The following GFPT1 variants were observed in gnomAD, a reference collection of about 807,000 sequenced individuals.
The protein encoded by GFPT1 is glutamine--fructose-6-phosphate transaminase 1.
In GFPT1, 40 loss-of-function variants were observed where a neutral mutation model predicts 92.0. The observed-to-expected ratio is 0.43, with a 90% CI of 0.34 to 0.57. GFPT1 has a LOEUF of 0.57. Among genes scored for constraint, GFPT1 ranks in the 20% least tolerant of loss-of-function variants. The pLI is 0.02. For missense variants in GFPT1, 448 were observed against 869.1 expected, an observed-to-expected ratio of 0.52 and a Z score of 6.09; for synonymous variants, 269 against 280.6, an observed-to-expected ratio of 0.96 and a Z score of 0.41.
Position 69,324,901 on chromosome 2 carries a change from C to T in GFPT1, c.*1288G>A, listed in dbSNP as rs1330010977. 1 of 152,124 alleles carries T rather than the reference C, an allele frequency of 6.6e-6. No individual in the cohort carries two copies. Among genetic ancestry groups the T allele is most frequent in the East Asian group, 1.9e-4 (1 of 5,198 alleles). 9.4% of individuals were successfully genotyped at this position (152,124 alleles called of 1,614,324 possible). A position where few individuals can be genotyped will look rare whatever the true frequency, so the allele number is the denominator to read the frequency against. Reference sequence around the variant, plus strand: ...AACATTCTACTTTAAATATTTTAATCCAAATTGTCAACTTCCATTTCTGAC... The same window carrying T: ...AACATTCTACTTTAAATATTTTAATTCAAATTGTCAACTTCCATTTCTGAC... On this transcript the variant is annotated 3_prime_UTR_variant, in exon 20 of 20. Transcript: ENST00000357308.
intron 18 of GFPT1, 87 bp downstream of exon 18, chr2:69,328,184 T>C (rs1670577234): frequency 1.0e-6 from 1 of 988,866 alleles, no homozygotes; most frequent in Admixed American, 1.7e-5. Flanking sequence ...AGTTAACACG[T>C]GTAAACATGT....
intron 13 of GFPT1, among the ~76,000 whole-genome samples, chr2:69,339,752 T>C (rs1018168133): frequency 1.1e-4 from 17 of 152,198 alleles, no homozygotes; most frequent in African/African-American, 4.1e-4. Flanking sequence ...CAGAATCGTT[T>C]TACTTGGTTC....
chr2:69,344,639 T>C (rs965824633), intron 12 of GFPT1, among the ~76,000 whole-genome samples: 25 of 151,758 alleles, frequency 1.6e-4, no homozygotes, highest in Admixed American at 4.6e-4. Context: ...ATAATACAGA[T>C]ATAAGTACTC....
intron 12 of GFPT1, among the ~76,000 whole-genome samples, chr2:69,345,197 G>A (rs1032134229): frequency 3.9e-5 from 6 of 151,950 alleles, no homozygotes; most frequent in South Asian, 2.1e-4. Context: ...CAGCAGTTGC[G>A]GTGAGCCGAG....
At chr2:69,341,330 G>A (rs543375595) in intron 13 of GFPT1, among the ~76,000 whole-genome samples, 1 of 152,218 alleles carries the variant, frequency 6.6e-6, no homozygotes, top group African/African-American at 2.4e-5. Flanking sequence ...TTTTGGGGGA[G>A]GAGGGGAGGA....
chr2:69,384,713 GAAAA>G (rs1319152740), intron 1 of GFPT1, among the ~76,000 whole-genome samples: 1 of 69,468 alleles, frequency 1.4e-5, no homozygotes, highest in Non-Finnish European at 3.1e-5. Context: ...AAAAAAAAAA[GAAAA>G]AAGAAAGAAA....
At chr2:69,363,157 C>T (rs943841532) in intron 4 of GFPT1, among the ~76,000 whole-genome samples, 1 of 152,136 alleles carries the variant, frequency 6.6e-6, no homozygotes, top group Non-Finnish European at 1.5e-5. Context: ...AGGGCAATGG[C>T]ATGAGGTGTG....
chr2:69,364,562 T>G (rs567291879), intron 3 of GFPT1, among the ~76,000 whole-genome samples: 10 of 152,392 alleles, frequency 6.6e-5, no homozygotes, highest in Middle Eastern at 3.4e-3. Flanking sequence ...TGGTCTCTGG[T>G]GAGTGTACAC....
chr2:69,375,851 A>T (rs1434561747), intron 1 of GFPT1, among the ~76,000 whole-genome samples: 1 of 152,356 alleles, frequency 6.6e-6, no homozygotes, highest in African/African-American at 2.4e-5. Flanking sequence ...GATAAACAAC[A>T]TGCTGCTTAA....
chr2:69,349,185 T>C (rs1055169489), intron 10 of GFPT1, among the ~76,000 whole-genome samples: 4 of 152,228 alleles, frequency 2.6e-5, no homozygotes, highest in Non-Finnish European at 4.4e-5. Context: ...CTCCTCACTA[T>C]GGAAGAGCTC....
At chr2:69,370,826 G>C (rs139364528) in intron 2 of GFPT1, among the ~76,000 whole-genome samples, 12 of 152,054 alleles carry the variant, frequency 7.9e-5, no homozygotes, top group Non-Finnish European at 1.6e-4. Context: ...TGAAGGACTT[G>C]TTGAATGATT....
intron 13 of GFPT1, among the ~76,000 whole-genome samples, 198 bp downstream of exon 13, chr2:69,341,954 C>A (rs1670963805): frequency 6.6e-6 from 1 of 152,146 alleles, no homozygotes. Flanking sequence ...TATCTAGGGA[C>A]CTTTTCTACA....
rs1029337600 is a variant in GFPT1, at chr2:69,327,187, A to G, written c.1894-112T>C. The G allele has an allele frequency of 1.6e-5, 14 of 858,858 alleles. No individual in the cohort carries two copies. In the African/African-American group the frequency reaches 2.3e-4, roughly 14 times the overall value. The allele number at this position is 858,858 out of a possible 1,614,324, so 53.2% of individuals were successfully genotyped here. A position where few individuals can be genotyped will look rare whatever the true frequency, so the allele number is the denominator to read the frequency against. On this transcript the variant is annotated intron_variant, in intron 18 of 19. Coordinates refer to ENST00000357308, the MANE Select transcript of GFPT1 (RefSeq NM_001244710.2). ...ATAATCCATATGAAGCCTCACGGAC[A>G]GACTTCTTTAAATTCCTGTGTAGTA...
chr2:69,385,541 TTTA>T (rs1261528950), intron 1 of GFPT1, among the ~76,000 whole-genome samples: 7 of 67,398 alleles, frequency 1.0e-4, no homozygotes, highest in Non-Finnish European at 1.4e-4. Flanking sequence ...TATTTATTTA[TTTA>T]TTTTTTTTTC....
intron 1 of GFPT1, among the ~76,000 whole-genome samples, chr2:69,381,973 C>T (rs1337586135): frequency 6.6e-6 from 1 of 151,798 alleles, no homozygotes; most frequent in Non-Finnish European, 1.5e-5. Flanking sequence ...AAGCACTTCT[C>T]CTCCCTTAGC....
chr2:69,328,094 C>CAA (rs1175703265), intron 18 of GFPT1, among the ~76,000 whole-genome samples, 177 bp downstream of exon 18: 27 of 82,712 alleles, frequency 3.3e-4, no homozygotes, highest in Admixed American at 5.2e-4. Context: ...GACTCCATCT[C>CAA]AAAAAAAAAA....
intron 13 of GFPT1, among the ~76,000 whole-genome samples, 199 bp from the exon 14 acceptor site, chr2:69,338,764 C>G (rs1670863874): frequency 6.7e-6 from 1 of 150,192 alleles, no homozygotes; most frequent in South Asian, 2.1e-4. Context: ...TAACATTTTA[C>G]TATCAGTCTC....
intron 13 of GFPT1, among the ~76,000 whole-genome samples, chr2:69,340,587 C>G (rs1670925329): frequency 6.6e-6 from 1 of 151,936 alleles, no homozygotes. Flanking sequence ...TTTGCAACCT[C>G]TGGCATAAAT....
At chr2:69,356,667 T>C in intron 6 of GFPT1, 110 bp from the exon 7 acceptor site, 1 of 782,696 alleles carries the variant, frequency 1.3e-6, no homozygotes, top group African/African-American at 1.7e-5. Context: ...AAATGCTCTT[T>C]TGTACCAGTT....
Sources: gnomAD v4.1 joint callset for allele counts (sites outside exome capture counted in the v4.1 genomes callset) on GRCh38, gnomAD v4.1.1 for gene constraint, MANE v1.5 for transcripts, NCBI Gene and HGNC (gene_info 2026-07-23, HGNC 2026-07-21) for gene names.